ADK: variants seen among roughly 807,000 people sequenced by gnomAD.
The protein encoded by ADK is N6,N6-dimethyladenosine kinase.
Under a neutral mutation model 44.7 loss-of-function variants are expected in ADK, and 24 were observed. That is an observed-to-expected ratio of 0.54 (90% CI 0.39 to 0.76). ADK has a LOEUF of 0.76. ADK is among the 30% of genes least tolerant of loss of function. The pLI is 0.00. For synonymous variants in ADK, 128 were observed against 142.6 expected, an observed-to-expected ratio of 0.90 and a Z score of 0.73; for missense variants, 321 against 425.1, an observed-to-expected ratio of 0.76 and a Z score of 2.15.
At chr10:74,281,919 T>C (rs1846954545) in intron 3 of ADK, among the ~76,000 whole-genome samples, 1 of 152,222 alleles carries the variant, frequency 6.6e-6, no homozygotes, top group Admixed American at 6.5e-5. Context: ...TTTGGTATGA[T>C]TCAGGTTGAC....
At chr10:74,413,676 C>T (rs546803116) in intron 6 of ADK, among the ~76,000 whole-genome samples, 61 of 152,290 alleles carry the variant, frequency 4.0e-4, no homozygotes, top group African/African-American at 1.3e-3. Flanking sequence ...CTTATTCATG[C>T]GTTCACTGGA....
chr10:74,223,345 C>T (rs1453995097), intron 2 of ADK, among the ~76,000 whole-genome samples: 1 of 152,158 alleles, frequency 6.6e-6, no homozygotes, highest in East Asian at 1.9e-4. Flanking sequence ...GTGGAGCTCT[C>T]ATGATCCAAT....
At chr10:74,256,969 A>T (rs1015690410) in intron 3 of ADK, among the ~76,000 whole-genome samples, 12 of 152,154 alleles carry the variant, frequency 7.9e-5, no homozygotes, top group Non-Finnish European at 1.8e-4. Flanking sequence ...AAGTTCTCAT[A>T]ATATGTGTAA....
intron 3 of ADK, among the ~76,000 whole-genome samples, chr10:74,254,518 A>G (rs1471911280): frequency 6.6e-6 from 1 of 151,848 alleles, no homozygotes; most frequent in African/African-American, 2.4e-5. Context: ...ATGTATTTTA[A>G]TGTCAGATTG....
chr10:74,479,475 G>A (rs921468771), intron 6 of ADK, among the ~76,000 whole-genome samples: 1 of 122,464 alleles, frequency 8.2e-6, no homozygotes, highest in Non-Finnish European at 1.7e-5. Flanking sequence ...GTGTCTCTTT[G>A]CCATACAGCA....
rs369397200 is a variant in ADK at position 74,183,588 on chromosome 10, G to A, written c.66-17176G>A. Among the ~76,000 whole-genome samples, 31 of 151,478 alleles carry A rather than the reference G, an allele frequency of 2.0e-4. No homozygotes were observed. In the East Asian group the frequency reaches 4.5e-3, roughly 22 times the overall value. On this transcript the variant is annotated intron_variant, in intron 1 of 10. Coordinates refer to ENST00000539909, the MANE Select transcript of ADK (RefSeq NM_006721.4). ...TGCAGTGGCGCCATCTTGGCTCACC[G>A]CAACCTCCACTTCCCAGGTTCAAGC...
chr10:74,451,143 T>C (rs976083230), intron 6 of ADK, among the ~76,000 whole-genome samples: 4 of 149,706 alleles, frequency 2.7e-5, no homozygotes, highest in Admixed American at 6.7e-5. Context: ...AAAACAATAG[T>C]TTTTATTTCA....
intron 3 of ADK, among the ~76,000 whole-genome samples, chr10:74,268,303 G>T (rs914050227): frequency 6.6e-6 from 1 of 151,872 alleles, no homozygotes; most frequent in Non-Finnish European, 1.5e-5. Flanking sequence ...AAGCAACAGA[G>T]CAAGTCACCA....
chr10:74,697,711 C>T (rs1430510811), intron 10 of ADK, among the ~76,000 whole-genome samples: 1 of 152,064 alleles, frequency 6.6e-6, no homozygotes, highest in Non-Finnish European at 1.5e-5. Flanking sequence ...GCTTCCGTAC[C>T]CACTGACAAT....
chr10:74,435,775 T>C (rs114496246), intron 6 of ADK, among the ~76,000 whole-genome samples: 1,906 of 152,084 alleles, frequency 0.013, 41 homozygotes, highest in African/African-American at 0.044. Context: ...TTTAAAGTGC[T>C]GAAAGAAAAA....
At chr10:74,700,904 A>G (rs1346234558) in intron 10 of ADK, among the ~76,000 whole-genome samples, 2 of 152,336 alleles carry the variant, frequency 1.3e-5, no homozygotes, top group African/African-American at 4.8e-5. Context: ...AAACTGAAAA[A>G]CATGAACCCA....
At chr10:74,570,899 A>G (rs577343620) in intron 7 of ADK, among the ~76,000 whole-genome samples, 5 of 152,204 alleles carry the variant, frequency 3.3e-5, no homozygotes, top group Middle Eastern at 6.3e-3. Flanking sequence ...GTTTTTGCCC[A>G]TTCAGTATGA....
At chr10:74,663,246 AT>A (rs66996662) in intron 9 of ADK, among the ~76,000 whole-genome samples, 2,166 of 24,004 alleles carry the variant, frequency 0.09, 37 homozygotes, top group African/African-American at 0.24. Flanking sequence ...AAAAAAAAAA[AT>A]AATATATATA....
chr10:74,595,227 C>T (rs1851863050), intron 8 of ADK, among the ~76,000 whole-genome samples: 1 of 143,778 alleles, frequency 7.0e-6, no homozygotes, highest in African/African-American at 2.6e-5. Context: ...AGTCATATAG[C>T]TAATACATTA....
chr10:74,611,972 T>C (rs571253527), intron 9 of ADK, among the ~76,000 whole-genome samples: 20 of 152,282 alleles, frequency 1.3e-4, no homozygotes, highest in African/African-American at 4.6e-4. Flanking sequence ...ACAATTTCTT[T>C]TACTTTGGGT....
chr10:74,258,293 T>C (rs184347230), intron 3 of ADK, among the ~76,000 whole-genome samples: 1 of 152,260 alleles, frequency 6.6e-6, no homozygotes, highest in African/African-American at 2.4e-5. Flanking sequence ...GCCTAAAAGG[T>C]CAATATTAAT....
intron 3 of ADK, among the ~76,000 whole-genome samples, chr10:74,241,941 G>A (rs1293727650): frequency 6.6e-6 from 1 of 152,156 alleles, no homozygotes; most frequent in African/African-American, 2.4e-5. Context: ...AGTTTTTATG[G>A]TGGTTCTGCA....
intron 7 of ADK, among the ~76,000 whole-genome samples, chr10:74,573,825 A>G (rs1851066884): frequency 6.6e-6 from 1 of 152,152 alleles, no homozygotes; most frequent in Non-Finnish European, 1.5e-5. Context: ...GCGGGATATA[A>G]TCTCCTGGTG....
chr10:74,372,497 T>C, intron 4 of ADK: 1 of 409,070 alleles, frequency 2.4e-6, no homozygotes, highest in African/African-American at 2.0e-5. Flanking sequence ...AAAAAAGTAA[T>C]GCATTCAGCA....
Sources: gnomAD v4.1 joint callset for allele counts (sites outside exome capture counted in the v4.1 genomes callset) on GRCh38, gnomAD v4.1.1 for gene constraint, MANE v1.5 for transcripts, NCBI Gene and HGNC (gene_info 2026-07-23, HGNC 2026-07-21) for gene names.